The following TMC4 variants were observed in gnomAD, a reference collection of about 807,000 sequenced individuals.
TMC4 encodes the protein voltage-gated chloride channel TMC4.
In TMC4, 70 loss-of-function variants were observed where a neutral mutation model predicts 82.0. The observed-to-expected ratio is 0.85, with a 90% CI of 0.70 to 1.04. The LOEUF is 1.04. TMC4 is among the 50% of genes least tolerant of loss of function. The probability of loss-of-function intolerance (pLI) is 0.00; values close to 1 mark genes in which losing one functional copy is unlikely to be tolerated. For synonymous variants in TMC4, 446 were observed against 406.0 expected (o/e 1.10, Z -1.18); for missense variants, 879 against 899.0 (o/e 0.98, Z 0.28).
intron 9 of TMC4, 78 bp from the exon 10 acceptor site, chr19:54,162,848 G>T (rs993630217): frequency 1.3e-6 from 2 of 1,506,292 alleles, no homozygotes; most frequent in Non-Finnish European, 1.8e-6. Context: ...TCTCCACATC[G>T]CAAGCCTATG....
At chr19:54,163,265 T>A in intron 8 of TMC4, 106 bp from the exon 9 acceptor site, 1 of 1,336,804 alleles carries the variant, frequency 7.5e-7, no homozygotes, top group South Asian at 1.3e-5. Flanking sequence ...CAGATGAAGC[T>A]GAGGCCCAGT....
chr19:54,167,254 C>A (rs917066212), intron 5 of TMC4, among the ~76,000 whole-genome samples: 11 of 152,010 alleles, frequency 7.2e-5, no homozygotes, highest in South Asian at 2.1e-4. Flanking sequence ...CAGAGTGAGA[C>A]CCTGTCTCAA....
chr19:54,161,005 A>C lies in TMC4; in HGVS notation c.1846T>G (p.Phe616Val). The part of the protein sequence containing the change: ...LIPPSKLCGP[F>V]RGQSSIWAQI... The stretch of plus-strand genomic sequence containing the variant: ...GCCCAGATGGACGACTGCCCCCGGA[A>C]TGGACCACACAGCTTAGAAGGCGGG... The change falls in exon 13 of 15, where the codon TTC (phenylalanine) becomes GTC (valine). Residue 616 changes from phenylalanine to valine, a missense_variant. Coordinates refer to ENST00000619895, the MANE Select transcript of TMC4 (RefSeq NM_144686.4). 2 of 1,614,156 alleles carry C rather than the reference A, an allele frequency of 1.2e-6. No individual in the cohort carries two copies. The highest frequency in any genetic ancestry group is 1.7e-6 in the Non-Finnish European group (2 of 1,180,022).
At chr19:54,171,122 T>TATACTCC (rs1431650872) in intron 2 of TMC4, among the ~76,000 whole-genome samples, 1 of 151,446 alleles carries the variant, frequency 6.6e-6, no homozygotes, top group African/African-American at 2.5e-5. Flanking sequence ...TACGCATATA[T>TATACTCC]ATTTGAGATG....
Position 54,171,958 on chromosome 19 carries a change from C to T in TMC4, c.205G>A (p.Ala69Thr). Residue 69 changes from alanine to threonine, a missense_variant, in exon 2 of 15, where the codon GCC becomes ACC. By Grantham distance (58) the Ala-to-Thr change is moderately conservative (BLOSUM62 0). Coordinates refer to ENST00000619895, the MANE Select transcript of TMC4 (RefSeq NM_144686.4). Reference sequence around the variant, plus strand: ...TCTGTCTGGGTGACTTCTGTGAAGGCCTTTCTGCTCCTTCCTCCATCCTCC... The same window carrying T: ...TCTGTCTGGGTGACTTCTGTGAAGGTCTTTCTGCTCCTTCCTCCATCCTCC... ...EEEDGGRSRKAFTEVTQTELQ... is the reference protein window; with the variant it reads ...EEEDGGRSRKTFTEVTQTELQ... 3.1e-6 allele frequency: 5 copies of T among 1,613,700 alleles called. No individual in the cohort carries two copies. The highest frequency in any genetic ancestry group is 4.2e-6 in the Non-Finnish European group (5 of 1,179,802).
chr19:54,172,316 T>C (rs7245796), intron 1 of TMC4, among the ~76,000 whole-genome samples: 1 of 2,608 alleles, frequency 3.8e-4, no homozygotes, highest in African/African-American at 1.5e-3. Context: ...GGCCCCCGGC[T>C]CCTCCTCCCT....
At position 54,160,762 on chromosome 19, in the gene TMC4, C is replaced by G. The variant is rs985446466; in HGVS notation, c.1973+116G>C. On this transcript the variant is annotated intron_variant, in intron 13 of 14. Transcript: ENST00000619895. ...CAGTCCAGGAGCCTAGGCCTCCTCC[C>G]TCAGACTCAGTACGTTGCCTGCTCC... The G allele has an allele frequency of 5.3e-5, 77 of 1,448,662 alleles. No homozygotes were observed. The African/African-American group carries it at 7.8e-4, about 15-fold the overall frequency. 89.7% of individuals were successfully genotyped at this position (1,448,662 alleles called of 1,614,324 possible).
At position 54,160,212 on chromosome 19, in the gene TMC4, C is replaced by G. The variant is rs1350403257; in HGVS notation, c.*94G>C. 9 of 1,337,204 alleles carry G rather than the reference C, an allele frequency of 6.7e-6. No homozygotes were observed. In the East Asian group the frequency reaches 1.5e-4, roughly 22 times the overall value. 82.8% of individuals were successfully genotyped at this position (1,337,204 alleles called of 1,614,324 possible). A position where few individuals can be genotyped will look rare whatever the true frequency, so the allele number is the denominator to read the frequency against. Reference sequence around the variant, plus strand: ...TCTCCAGATACCAAAGCTGGAAGGGCGTGGAGTCTTCTCCAGTTCTCCTAG... The same window carrying G: ...TCTCCAGATACCAAAGCTGGAAGGGGGTGGAGTCTTCTCCAGTTCTCCTAG... On this transcript the variant is annotated 3_prime_UTR_variant, in exon 15 of 15. Transcript: ENST00000619895.
chr19:54,162,905 C>T, intron 9 of TMC4, 128 bp downstream of exon 9: 1 of 1,556,078 alleles, frequency 6.4e-7, no homozygotes, highest in Non-Finnish European at 8.8e-7. Context: ...TTCAAACTTT[C>T]ATACCCTTGG....
chr19:54,169,998 G>C (rs1047642658), intron 2 of TMC4, among the ~76,000 whole-genome samples: 6 of 152,060 alleles, frequency 3.9e-5, no homozygotes, highest in Non-Finnish European at 7.4e-5. Context: ...CTACACGAGA[G>C]GCTGAGGCAG....
chr19:54,162,842 CACATCGCAA>C, intron 9 of TMC4, 72 bp from the exon 10 acceptor site: 1 of 1,521,768 alleles, frequency 6.6e-7, no homozygotes. Context: ...TCCGAGTCTC[CACATCGCAA>C]GCCTATGAGA....
At chr19:54,171,084 T>TTTATTGTTTTTTCC (rs2075873429) in intron 2 of TMC4, among the ~76,000 whole-genome samples, 1 of 149,882 alleles carries the variant, frequency 6.7e-6, no homozygotes, top group African/African-American at 2.5e-5. Flanking sequence ...TATATATGTG[T>TTTATTGTTTTTTCC]ATATATATAC....
At position 54,162,750 on chromosome 19, in the gene TMC4, G is replaced by T. The variant is rs925035233; in HGVS notation, c.1425C>A (p.Gly475=). The T allele has an allele frequency of 6.2e-7, 1 of 1,613,968 alleles. No homozygotes were observed. Among genetic ancestry groups the T allele is most frequent in the Non-Finnish European group, 8.5e-7 (1 of 1,179,950 alleles). ...KQLPCWETVL[G]QEMYKLLLFD... ...AGAGCAGAAGTTTGTACATTTCCTG[G>T]CCCAGGACAGTCTCCCAGCACTGAA... Residue 475 remains glycine, a synonymous_variant, in exon 10 of 15, where the codon GGC becomes GGA. Coordinates refer to ENST00000619895, the MANE Select transcript of TMC4 (RefSeq NM_144686.4).
intron 3 of TMC4, among the ~76,000 whole-genome samples, 157 bp from the exon 4 acceptor site, chr19:54,168,837 CT>C (rs1377486774): frequency 1.1e-4 from 2 of 18,860 alleles, no homozygotes; most frequent in Non-Finnish European, 9.3e-5. Flanking sequence ...CTTTTCTTTT[CT>C]TTTCTTTTCT....
intron 8 of TMC4, 129 bp from the exon 9 acceptor site, chr19:54,163,288 A>ATTTC (rs1368234641): frequency 5.0e-5 from 43 of 857,078 alleles, no homozygotes; most frequent in African/African-American, 2.0e-4. Context: ...CAGAATCAGG[A>ATTTC]TTTCTTTCTT....
Position 54,168,495 on chromosome 19 carries a change from C to T in TMC4, c.628G>A (p.Gly210Ser), listed in dbSNP as rs1600578114. ...PCGSYNPHSQ[G>S]LVTFATQLFN... ...AGCTGGGTGGCAAAGGTGACCAGGC[C>T]CTGGGAGTGGGGGTTATAGGAGCCG... Residue 210 changes from glycine to serine, a missense_variant, in exon 4 of 15, where the codon GGC (glycine) becomes AGC (serine). Gly to Ser is a moderately conservative substitution (Grantham distance 56). Coordinates refer to ENST00000619895, the MANE Select transcript of TMC4 (RefSeq NM_144686.4). 1 of 1,547,492 alleles carries T rather than the reference C, an allele frequency of 6.5e-7. No homozygotes were observed. Among genetic ancestry groups the T allele is most frequent in the Non-Finnish European group, 8.7e-7 (1 of 1,145,628 alleles).
intron 5 of TMC4, among the ~76,000 whole-genome samples, chr19:54,167,943 A>G (rs1379800776): frequency 6.6e-6 from 1 of 151,712 alleles, no homozygotes; most frequent in African/African-American, 2.4e-5. Flanking sequence ...GGCGCCTGTA[A>G]TCCCAGCAAC....
Position 54,166,815 on chromosome 19 carries a change from T to C in TMC4, c.798-1249A>G, listed in dbSNP as rs577335659. Among the ~76,000 whole-genome samples, 3 of 152,204 alleles carry C rather than the reference T, an allele frequency of 2.0e-5. No individual in the cohort carries two copies. The East Asian group carries it at 5.8e-4, about 29-fold the overall frequency. Reference sequence around the variant, plus strand: ...CTAAAAATACAAAATTAGCCGGGCATGGTGGCACATGCCTGTAATCCCAGC... The same window carrying C: ...CTAAAAATACAAAATTAGCCGGGCACGGTGGCACATGCCTGTAATCCCAGC... On this transcript the variant is annotated intron_variant, in intron 5 of 14. Coordinates refer to ENST00000619895, the MANE Select transcript of TMC4 (RefSeq NM_144686.4).
At chr19:54,169,784 C>T in intron 2 of TMC4, 124 bp from the exon 3 acceptor site, 1 of 1,347,184 alleles carries the variant, frequency 7.4e-7, no homozygotes, top group Non-Finnish European at 9.8e-7. Context: ...AGATAGAATA[C>T]TCTGTAGCAA....
Sources: gnomAD v4.1 joint callset for allele counts (sites outside exome capture counted in the v4.1 genomes callset) on GRCh38, gnomAD v4.1.1 for gene constraint, MANE v1.5 for transcripts, NCBI Gene and HGNC (gene_info 2026-07-23, HGNC 2026-07-21) for gene names.